Variants in ANO3 observed in about 807,000 individuals in gnomAD.
ANO3 encodes the protein anoctamin 3, also known as anoctamin-3.
Under a neutral mutation model 144.8 loss-of-function variants are expected in ANO3, and 99 were observed. The ratio of observed to expected loss-of-function variants is 0.68; its 90% CI spans 0.58 to 0.81. ANO3 has a LOEUF of 0.81. Ranked by LOEUF, ANO3 falls within the 30% of genes least tolerant of loss-of-function variation. The probability of loss-of-function intolerance (pLI) is 0.00; values close to 1 mark genes in which losing one functional copy is unlikely to be tolerated. For synonymous variants in ANO3, 414 were observed against 392.6 expected, an observed-to-expected ratio of 1.05 and a Z score of -0.64; for missense variants, 905 against 1,202.2, an observed-to-expected ratio of 0.75 and a Z score of 3.66.
At chr11:26,484,727 T>G (rs1860373965) in intron 4 of ANO3, among the ~76,000 whole-genome samples, 1 of 152,148 alleles carries the variant, frequency 6.6e-6, no homozygotes. Context: ...CTGGAAAAGC[T>G]GCAGGCACTC....
At chr11:26,655,981 T>C in intron 24 of ANO3, 144 bp from the exon 25 acceptor site, 1 of 631,116 alleles carries the variant, frequency 1.6e-6, no homozygotes, top group Non-Finnish European at 2.7e-6. Flanking sequence ...AGTTAGGGAA[T>C]GGAATAAAAG....
At chr11:26,356,257 T>A (rs1178596570) in intron 1 of ANO3, among the ~76,000 whole-genome samples, 2 of 152,152 alleles carry the variant, frequency 1.3e-5, no homozygotes, top group African/African-American at 4.8e-5. Context: ...GAGCACAAAT[T>A]GTAAACTACA....
intron 1 of ANO3, among the ~76,000 whole-genome samples, chr11:26,212,435 A>T (rs1432574289): frequency 6.6e-6 from 1 of 152,012 alleles, no homozygotes; most frequent in Non-Finnish European, 1.5e-5. Flanking sequence ...AGATACAATA[A>T]AAATGATAAA....
At chr11:26,492,001 T>C (rs1352508511) in intron 4 of ANO3, among the ~76,000 whole-genome samples, 3 of 152,188 alleles carry the variant, frequency 2.0e-5, no homozygotes, top group Admixed American at 2.0e-4. Context: ...AATCTGAAAA[T>C]ATCATTTTAA....
intron 1 of ANO3, among the ~76,000 whole-genome samples, chr11:26,242,965 A>T (rs1746534674): frequency 6.6e-6 from 1 of 152,194 alleles, no homozygotes; most frequent in African/African-American, 2.4e-5. Context: ...TTTATTGTAT[A>T]TCATCATCAC....
At chr11:26,296,421 T>C (rs1052709899) in intron 1 of ANO3, among the ~76,000 whole-genome samples, 10 of 152,322 alleles carry the variant, frequency 6.6e-5, no homozygotes, top group African/African-American at 2.2e-4. Context: ...CATATCTAAC[T>C]TGTTGACACT....
At chr11:26,456,427 C>G (rs1477241616) in intron 3 of ANO3, among the ~76,000 whole-genome samples, 1 of 151,960 alleles carries the variant, frequency 6.6e-6, no homozygotes, top group African/African-American at 2.4e-5. Context: ...CATGAACAGA[C>G]ACTTCTCAAA....
At chr11:26,227,866 T>G (rs1011321560) in intron 1 of ANO3, among the ~76,000 whole-genome samples, 3 of 152,186 alleles carry the variant, frequency 2.0e-5, no homozygotes, top group African/African-American at 7.2e-5. Context: ...TAATTTAAAT[T>G]TTTTTAAACC....
At chr11:26,657,536 A>C (rs1043946720) in intron 26 of ANO3, among the ~76,000 whole-genome samples, 4 of 152,178 alleles carry the variant, frequency 2.6e-5, no homozygotes, top group African/African-American at 9.7e-5. Context: ...AACTGTCATC[A>C]TTGATCCATG....
chr11:26,627,812 C>CGTGTGTGTG (rs1852634976), intron 18 of ANO3, among the ~76,000 whole-genome samples: 1 of 99,874 alleles, frequency 1.0e-5, no homozygotes, highest in East Asian at 3.9e-4. Context: ...ATAATAGAAT[C>CGTGTGTGTG]TAGTGTGTGT....
At chr11:26,308,497 T>C (rs1157468485), upstream of ANO3, among the ~76,000 whole-genome samples, 1 of 152,218 alleles carries the variant, frequency 6.6e-6, no homozygotes, top group Admixed American at 6.5e-5. Flanking sequence ...ATAAAAGTAT[T>C]TAAGCAGATA....
intron 4 of ANO3, among the ~76,000 whole-genome samples, chr11:26,468,358 T>C (rs573402108): frequency 3.9e-4 from 60 of 152,070 alleles, no homozygotes; most frequent in African/African-American, 1.4e-3. Flanking sequence ...TCAGTTACAG[T>C]GACTTCACCT....
intron 1 of ANO3, among the ~76,000 whole-genome samples, chr11:26,406,652 G>T (rs1857283428): frequency 6.7e-6 from 1 of 149,646 alleles, no homozygotes; most frequent in Non-Finnish European, 1.5e-5. Context: ...GCAGCCCAGT[G>T]AAAGGGGTCC....
chr11:26,660,650 G>A lies in ANO3; in HGVS notation c.*206G>A. On this transcript the variant is annotated 3_prime_UTR_variant, in exon 27 of 27. Coordinates refer to ENST00000256737, the MANE Select transcript of ANO3 (RefSeq NM_031418.4). ...CAATGACTTGACGACCTTAAAAAGGGTTAGATTGACATTGCAGGAAGCCAG... is the reference window on the plus strand; with the variant it reads ...CAATGACTTGACGACCTTAAAAAGGATTAGATTGACATTGCAGGAAGCCAG... 2.0e-6 allele frequency: 1 copy of A among 495,426 alleles called. No individual in the cohort carries two copies. 30.7% of individuals were successfully genotyped at this position (495,426 alleles called of 1,614,324 possible). A position where few individuals can be genotyped will look rare whatever the true frequency, so the allele number is the denominator to read the frequency against.
At chr11:26,597,605 T>C (rs1210573776) in intron 14 of ANO3, among the ~76,000 whole-genome samples, 2 of 152,120 alleles carry the variant, frequency 1.3e-5, no homozygotes, top group Non-Finnish European at 2.9e-5. Context: ...CAGAAGAGTG[T>C]GCAGTTGCAA....
Position 26,643,179 on chromosome 11 carries a change from C to T in ANO3, c.2276-3C>T, listed in dbSNP as rs769182967. 6.2e-7 allele frequency: 1 copy of T among 1,613,242 alleles called. No individual in the cohort carries two copies. Among genetic ancestry groups the T allele is most frequent in the South Asian group, 1.1e-5 (1 of 90,844 alleles). Reference sequence around the variant, plus strand: ...GTAATTTCCTAATGCTCTTCTTTTGCAGTTTTGCAATTTGGTTTTACCACC... The same window carrying T: ...GTAATTTCCTAATGCTCTTCTTTTGTAGTTTTGCAATTTGGTTTTACCACC... On this transcript the variant is annotated splice_region_variant and splice_polypyrimidine_tract_variant and intron_variant, in intron 22 of 26. Coordinates refer to ENST00000256737, the MANE Select transcript of ANO3 (RefSeq NM_031418.4).
chr11:26,478,966 T>C (rs189062425), intron 4 of ANO3, among the ~76,000 whole-genome samples: 24 of 152,330 alleles, frequency 1.6e-4, no homozygotes, highest in African/African-American at 5.5e-4. Context: ...GAACTGTCCT[T>C]TGCTTAAATA....
At chr11:26,306,060 G>A (rs59408718), upstream of ANO3, among the ~76,000 whole-genome samples, 4,505 of 151,574 alleles carry the variant, frequency 0.03, 206 homozygotes, top group African/African-American at 0.1. Context: ...CCAGGTTCAC[G>A]CCATTCTCCT....
chr11:26,195,658 G>A (rs1418959244), intron 1 of ANO3, among the ~76,000 whole-genome samples: 1 of 152,106 alleles, frequency 6.6e-6, no homozygotes, highest in Non-Finnish European at 1.5e-5. Context: ...CTTGTCTCAG[G>A]TCACTCAGAT....
Sources: gnomAD v4.1 joint callset for allele counts (sites outside exome capture counted in the v4.1 genomes callset) on GRCh38, gnomAD v4.1.1 for gene constraint, MANE v1.5 for transcripts, NCBI Gene and HGNC (gene_info 2026-07-23, HGNC 2026-07-21) for gene names.